Variants in ZFHX3 observed in about 807,000 individuals in gnomAD.
ZFHX3 encodes zinc finger homeobox protein 3.
ZFHX3 carries 42 observed loss-of-function variants against 279.1 expected under a neutral mutation model. The ratio of observed to expected loss-of-function variants is 0.15; its 90% CI spans 0.12 to 0.19. The LOEUF (loss-of-function observed/expected upper bound fraction) is 0.19, where lower values mean the gene tolerates loss of function less well. Among genes scored for constraint, ZFHX3 ranks in the 10% least tolerant of loss-of-function variants. The pLI, the probability that ZFHX3 is intolerant of heterozygous loss-of-function variation, is 1.00. For synonymous variants in ZFHX3, 2,293 were observed against 1,957.8 expected (o/e 1.17, Z -4.52); for missense variants, 4,981 against 4,754.0 (o/e 1.05, Z -1.40).
At chr16:73,541,538 AC>A (rs1320321760) in intron 2 of ZFHX3, among the ~76,000 whole-genome samples, 27 of 152,062 alleles carry the variant, frequency 1.8e-4, no homozygotes, top group Admixed American at 1.6e-3. Context: ...ACTATCAAAC[AC>A]ACAAAACTAG....
At chr16:73,039,404 C>T (rs1965031479) in intron 1 of ZFHX3, among the ~76,000 whole-genome samples, 1 of 152,182 alleles carries the variant, frequency 6.6e-6, no homozygotes, top group Admixed American at 6.5e-5. Context: ...GGCCGGGAAC[C>T]TGCCATTGTT....
intron 2 of ZFHX3, among the ~76,000 whole-genome samples, chr16:73,539,433 C>CTTCTTTTTT (rs2019970949): frequency 1.5e-5 from 1 of 65,086 alleles, no homozygotes; most frequent in African/African-American, 5.7e-5. Context: ...TCCTCTTCTT[C>CTTCTTTTTT]TTTTTTTTTT....
intron 1 of ZFHX3, among the ~76,000 whole-genome samples, chr16:72,990,119 T>C (rs1963025667): frequency 1.3e-5 from 2 of 152,200 alleles, no homozygotes. Flanking sequence ...GGCTGATTTC[T>C]GACTCAGCCA....
At chr16:72,916,603 G>A (rs2039448372) in intron 3 of ZFHX3, among the ~76,000 whole-genome samples, 1 of 152,148 alleles carries the variant, frequency 6.6e-6, no homozygotes, top group Admixed American at 6.5e-5. Context: ...TTAATACCAG[G>A]CAGTGCAAAA....
intron 4 of ZFHX3, among the ~76,000 whole-genome samples, chr16:72,882,471 T>C (rs917874597): frequency 2.0e-5 from 3 of 152,126 alleles, no homozygotes; most frequent in Admixed American, 2.0e-4. Context: ...AATGAGTGAA[T>C]ACGAATCACT....
intron 4 of ZFHX3, among the ~76,000 whole-genome samples, chr16:72,866,206 T>G (rs372435416): frequency 2.0e-5 from 3 of 151,296 alleles, no homozygotes; most frequent in East Asian, 3.9e-4. Context: ...AGAGGGAGAG[T>G]GAGAGCAGTA....
chr16:73,426,736 T>C (rs1335711147), intron 3 of ZFHX3, among the ~76,000 whole-genome samples: 3 of 152,210 alleles, frequency 2.0e-5, no homozygotes. Context: ...TACATCTGTT[T>C]TTAATCACAA....
intron 2 of ZFHX3, among the ~76,000 whole-genome samples, chr16:73,587,440 A>G (rs1274331513): frequency 1.3e-5 from 2 of 152,248 alleles, no homozygotes; most frequent in Non-Finnish European, 2.9e-5. Context: ...GACCAAAACC[A>G]TAACTTTTGC....
intron 1 of ZFHX3, chr16:73,015,214 C>T (rs1242695032): frequency 1.3e-5 from 2 of 151,982 alleles, no homozygotes; most frequent in Non-Finnish European, 2.9e-5. Context: ...GCACAGCTAG[C>T]TTTTGTATTT....
At chr16:73,788,325 C>T (rs980354804) in intron 1 of ZFHX3, among the ~76,000 whole-genome samples, 1 of 152,182 alleles carries the variant, frequency 6.6e-6, no homozygotes, top group Non-Finnish European at 1.5e-5. Flanking sequence ...GGATAAAGGT[C>T]ATCCCCTGGG....
chr16:72,808,385 G>A (rs2036334850), intron 7 of ZFHX3, among the ~76,000 whole-genome samples: 1 of 152,006 alleles, frequency 6.6e-6, no homozygotes, highest in Non-Finnish European at 1.5e-5. Flanking sequence ...GAAATGCATA[G>A]TTTGGCTCAA....
At chr16:73,438,310 C>A (rs1255844982) in intron 3 of ZFHX3, among the ~76,000 whole-genome samples, 2 of 152,146 alleles carry the variant, frequency 1.3e-5, no homozygotes, top group African/African-American at 4.8e-5. Context: ...TGGGCTCTTC[C>A]CTGGTAGAGA....
intron 1 of ZFHX3, among the ~76,000 whole-genome samples, chr16:73,004,656 A>G (rs2144606539): frequency 6.6e-6 from 1 of 152,178 alleles, no homozygotes; most frequent in Non-Finnish European, 1.5e-5. Flanking sequence ...AGGATTTAGG[A>G]CACACTGTCA....
chr16:73,731,116 T>A (rs1240231263), intron 1 of ZFHX3, among the ~76,000 whole-genome samples: 1 of 152,246 alleles, frequency 6.6e-6, no homozygotes, highest in Non-Finnish European at 1.5e-5. Context: ...TATAAGGTAG[T>A]CATCTCTGCG....
chr16:73,836,025 A>T (rs1395326848), intron 1 of ZFHX3, among the ~76,000 whole-genome samples: 1 of 152,182 alleles, frequency 6.6e-6, no homozygotes, highest in Non-Finnish European at 1.5e-5. Flanking sequence ...AAAATGGAGG[A>T]AAACGGAATT....
intron 1 of ZFHX3, among the ~76,000 whole-genome samples, chr16:73,802,886 C>G (rs894954972): frequency 4.6e-5 from 7 of 152,200 alleles, no homozygotes; most frequent in African/African-American, 1.4e-4. Flanking sequence ...GGCACAATCT[C>G]GACTCACTGC....
chr16:73,602,310 T>C (rs2052126999), intron 2 of ZFHX3, among the ~76,000 whole-genome samples: 1 of 152,148 alleles, frequency 6.6e-6, no homozygotes, highest in Non-Finnish European at 1.5e-5. Flanking sequence ...GTCCTAGAGA[T>C]AAATGTATAT....
At chr16:72,858,639 G>T (rs2037810504) in intron 4 of ZFHX3, among the ~76,000 whole-genome samples, 1 of 152,212 alleles carries the variant, frequency 6.6e-6, no homozygotes, top group African/African-American at 2.4e-5. Flanking sequence ...TCATAGCTTA[G>T]CAACTTTCCG....
chr16:73,093,237 G>C (rs755650413), exon 8 of ZFHX3: 1 of 515,322 alleles, frequency 1.9e-6, no homozygotes, highest in South Asian at 1.4e-5. Flanking sequence ...GGTCCTACCT[G>C]GCGTTGACTT....
Sources: gnomAD v4.1 joint callset for allele counts (sites outside exome capture counted in the v4.1 genomes callset) on GRCh38, gnomAD v4.1.1 for gene constraint, MANE v1.5 for transcripts, NCBI Gene and HGNC (gene_info 2026-07-23, HGNC 2026-07-21) for gene names.